The following TOM1L2 variants were observed in gnomAD, a reference collection of about 807,000 sequenced individuals.
TOM1L2 encodes the protein target of myb1 like 2 membrane trafficking protein.
In TOM1L2, 31 loss-of-function variants were observed where a neutral mutation model predicts 67.9. The observed-to-expected ratio is 0.46, with a 90% confidence interval of 0.34 to 0.62. The LOEUF is 0.62. TOM1L2 is among the 20% of genes least tolerant of loss of function. TOM1L2 has a pLI of 0.01. For missense variants in TOM1L2, 606 were observed against 663.5 expected, an observed-to-expected ratio of 0.91 and a Z score of 0.95; for synonymous variants, 256 against 254.0, an observed-to-expected ratio of 1.01 and a Z score of -0.07.
At chr17:17,862,676 C>A in intron 11 of TOM1L2, 55 bp downstream of exon 11, 1 of 1,448,266 alleles carries the variant, frequency 6.9e-7, no homozygotes, top group Non-Finnish European at 9.7e-7. Flanking sequence ...TGTGACCAGG[C>A]ATGGGTCAAT....
At chr17:17,925,505 T>C (rs937436557) in intron 1 of TOM1L2, among the ~76,000 whole-genome samples, 5 of 151,964 alleles carry the variant, frequency 3.3e-5, no homozygotes, top group African/African-American at 1.2e-4. Context: ...GGCAAACTAA[T>C]GACCAAAACT....
In TOM1L2 at chr17:17,971,179, T is replaced by C. The variant is rs2042061630; in HGVS notation, c.52+1083A>G. On this transcript the variant is annotated intron_variant, in intron 1 of 14. Coordinates refer to ENST00000379504, the MANE Select transcript of TOM1L2 (RefSeq NM_001082968.2). The stretch of plus-strand genomic sequence containing the variant: ...GATTTCAGCTTTGGTAAACTTAATA[T>C]GAGGTGGGGGAGGAAGCAACAGTCA... Among the ~76,000 whole-genome samples, 4 of 152,106 alleles carry C rather than the reference T, an allele frequency of 2.6e-5. No homozygotes were observed. In the South Asian group the frequency reaches 8.3e-4, roughly 31 times the overall value.
At position 17,850,958 on chromosome 17, in the gene TOM1L2, G is replaced by C. The variant is rs373890822; in HGVS notation, c.1279-6C>G. ...GATGGCTGCGCAACGGGGATCTATG[G>C]AGGCGGCAAGCAGCGGGCCAGGCAG... is the stretch of plus-strand genomic sequence containing the variant. On this transcript the variant is annotated splice_region_variant and splice_polypyrimidine_tract_variant and intron_variant, in intron 12 of 14. Coordinates refer to ENST00000379504, the MANE Select transcript of TOM1L2 (RefSeq NM_001082968.2). 1 of 1,613,752 alleles carries C rather than the reference G, an allele frequency of 6.2e-7. No individual in the cohort carries two copies. Among genetic ancestry groups the C allele is most frequent in the Non-Finnish European group, 8.5e-7 (1 of 1,180,018 alleles).
chr17:17,937,633 G>A (rs1198210208), intron 1 of TOM1L2, among the ~76,000 whole-genome samples: 1 of 152,200 alleles, frequency 6.6e-6, no homozygotes, highest in African/African-American at 2.4e-5. Flanking sequence ...CAGCTCATGA[G>A]CAGCTTTCTA....
chr17:17,962,606 G>A (rs1296163038), intron 1 of TOM1L2, among the ~76,000 whole-genome samples: 2 of 151,864 alleles, frequency 1.3e-5, no homozygotes, highest in East Asian at 2.0e-4. Context: ...GAGCCACCGC[G>A]ACTGGCCCAA....
intron 1 of TOM1L2, among the ~76,000 whole-genome samples, chr17:17,924,329 TA>T (rs1392189345): frequency 2.0e-5 from 3 of 152,106 alleles, no homozygotes; most frequent in African/African-American, 7.2e-5. Flanking sequence ...CTGATTGTGG[TA>T]ATGGCTGAAC....
intron 1 of TOM1L2, among the ~76,000 whole-genome samples, chr17:17,946,263 A>G (rs575466317): frequency 2.0e-4 from 23 of 117,572 alleles, no homozygotes; most frequent in Non-Finnish European, 3.2e-4. Flanking sequence ...ATTCAGTGGC[A>G]TTAGTACATA....
rs767100984 is a variant in TOM1L2, at chr17:17,844,698, C to G, written c.*2937G>C. 1 of 152,232 alleles carries G rather than the reference C, an allele frequency of 6.6e-6. No homozygotes were observed. 9.4% of individuals were successfully genotyped at this position (152,232 alleles called of 1,614,324 possible). A position where few individuals can be genotyped will look rare whatever the true frequency, so the allele number is the denominator to read the frequency against. Reference sequence around the variant, plus strand: ...CAGGCAGGCCAAAGGCCCATGGTGCCAGGGGCCCAACTGCACATAGCGCCA... The same window carrying G: ...CAGGCAGGCCAAAGGCCCATGGTGCGAGGGGCCCAACTGCACATAGCGCCA... On this transcript the variant is annotated 3_prime_UTR_variant, in exon 15 of 15. Transcript: ENST00000379504.
At chr17:17,959,741 A>G (rs768569904) in intron 1 of TOM1L2, among the ~76,000 whole-genome samples, 10 of 152,182 alleles carry the variant, frequency 6.6e-5, no homozygotes, top group Admixed American at 2.6e-4. Flanking sequence ...AGACAGCCCA[A>G]TTCTCTGAGA....
chr17:17,960,800 A>G (rs2041646985), intron 1 of TOM1L2, among the ~76,000 whole-genome samples: 1 of 152,244 alleles, frequency 6.6e-6, no homozygotes, highest in South Asian at 2.1e-4. Context: ...TGTAAACTAC[A>G]TAACCCAGTA....
At chr17:17,971,989 G>C (rs933088033) in intron 1 of TOM1L2, among the ~76,000 whole-genome samples, 11 of 151,112 alleles carry the variant, frequency 7.3e-5, no homozygotes, top group African/African-American at 2.7e-4. Context: ...GCGAACGCCC[G>C]ACGACCAGGA....
In TOM1L2 at chr17:17,847,498, A is replaced by G. The variant is rs146285322; in HGVS notation, c.*137T>C. 204 of 1,192,588 alleles carry G rather than the reference A, an allele frequency of 1.7e-4. No individual in the cohort carries two copies. In the East Asian group the frequency reaches 2.9e-3, roughly 17 times the overall value. 73.9% of individuals were successfully genotyped at this position (1,192,588 alleles called of 1,614,324 possible). ...GGTCCTGACTAGTGGGAGGCCTGGG[A>G]GCAGACACGGTGGCATTTCCATGGA... On this transcript the variant is annotated 3_prime_UTR_variant, in exon 15 of 15. Transcript: ENST00000379504.
At chr17:17,939,422 G>C (rs2040639677) in intron 1 of TOM1L2, among the ~76,000 whole-genome samples, 2 of 152,156 alleles carry the variant, frequency 1.3e-5, no homozygotes, top group Admixed American at 1.3e-4. Context: ...TTGAACACTA[G>C]TTGGATACAT....
intron 13 of TOM1L2, among the ~76,000 whole-genome samples, chr17:17,850,576 A>G (rs2035910278): frequency 2.0e-5 from 3 of 152,104 alleles, no homozygotes; most frequent in Admixed American, 2.0e-4. Flanking sequence ...CATACATCTG[A>G]AATGGAAAAG....
chr17:17,935,163 C>T (rs2040471288), intron 1 of TOM1L2, among the ~76,000 whole-genome samples: 1 of 152,228 alleles, frequency 6.6e-6, no homozygotes, highest in East Asian at 1.9e-4. Flanking sequence ...CTGTGGCTAT[C>T]AAACAAGCAA....
At chr17:17,950,128 T>A (rs905278268) in intron 1 of TOM1L2, among the ~76,000 whole-genome samples, 1 of 152,096 alleles carries the variant, frequency 6.6e-6, no homozygotes, top group Non-Finnish European at 1.5e-5. Flanking sequence ...CCCAAAGTGC[T>A]GGGATTACAG....
chr17:17,955,889 G>A (rs371220435), intron 1 of TOM1L2, among the ~76,000 whole-genome samples: 2 of 152,112 alleles, frequency 1.3e-5, no homozygotes, highest in Non-Finnish European at 2.9e-5. Flanking sequence ...AGACCTTCGC[G>A]GTGAGTGTTA....
intron 6 of TOM1L2, among the ~76,000 whole-genome samples, chr17:17,880,135 G>T (rs2037645208): frequency 6.6e-6 from 1 of 152,188 alleles, no homozygotes. Flanking sequence ...AGGAGGGCAG[G>T]AGCTCTGAGA....
intron 12 of TOM1L2, chr17:17,859,231 A>G (rs1426711313): frequency 1.3e-5 from 2 of 151,728 alleles, no homozygotes; most frequent in Non-Finnish European, 2.9e-5. Context: ...ATGTGCCACC[A>G]TGCCCAGCTA....
Sources: gnomAD v4.1 joint callset for allele counts (sites outside exome capture counted in the v4.1 genomes callset) on GRCh38, gnomAD v4.1.1 for gene constraint, MANE v1.5 for transcripts, NCBI Gene and HGNC (gene_info 2026-07-23, HGNC 2026-07-21) for gene names.